CTDP1: variants seen among roughly 807,000 people sequenced by gnomAD.
CTDP1 encodes RNA polymerase II subunit A C-terminal domain phosphatase.
CTDP1 carries 47 observed loss-of-function variants against 91.8 expected under a neutral mutation model. The observed-to-expected ratio is 0.51, with a 90% CI of 0.41 to 0.65. The LOEUF is 0.65. Among genes scored for constraint, CTDP1 ranks in the 30% least tolerant of loss-of-function variants. The pLI, the probability that CTDP1 is intolerant of heterozygous loss-of-function variation, is 0.00. For synonymous variants in CTDP1, 656 were observed against 598.5 expected (o/e 1.10, Z -1.40); for missense variants, 1,272 against 1,373.7 (o/e 0.93, Z 1.17).
At chr18:79,731,643 A>G (rs757322820) in intron 11 of CTDP1, among the ~76,000 whole-genome samples, 3 of 152,236 alleles carry the variant, frequency 2.0e-5, no homozygotes, top group African/African-American at 4.8e-5. Flanking sequence ...CGTCCAGAAC[A>G]TGCCTAAGCA....
At chr18:79,747,545 C>T (rs956901039) in intron 12 of CTDP1, among the ~76,000 whole-genome samples, 5 of 152,216 alleles carry the variant, frequency 3.3e-5, no homozygotes, top group Admixed American at 1.3e-4. Flanking sequence ...GTCCCGCTGA[C>T]GTCATCTGGT....
intron 12 of CTDP1, among the ~76,000 whole-genome samples, chr18:79,738,662 AC>A (rs1393999874): frequency 6.6e-6 from 1 of 152,276 alleles, no homozygotes; most frequent in African/African-American, 2.4e-5. Flanking sequence ...CAATCCAGTT[AC>A]AAAATTGGGC....
intron 7 of CTDP1, among the ~76,000 whole-genome samples, 168 bp from the exon 8 acceptor site, chr18:79,714,323 G>A (rs1427200820): frequency 1.3e-5 from 2 of 152,224 alleles, no homozygotes; most frequent in Admixed American, 1.3e-4. Context: ...ACGCACTTCA[G>A]GTAAGGGGTG....
intron 11 of CTDP1, 74 bp downstream of exon 11, chr18:79,729,143 A>G (rs1245989407): frequency 1.3e-6 from 2 of 1,594,478 alleles, no homozygotes; most frequent in East Asian, 4.5e-5. Flanking sequence ...GTGCGGGCGG[A>G]TTGCTGAGCT....
chr18:79,689,222 G>A (rs146460465), intron 1 of CTDP1, among the ~76,000 whole-genome samples: 3 of 152,158 alleles, frequency 2.0e-5, no homozygotes, highest in Non-Finnish European at 4.4e-5. Flanking sequence ...CAGTTAGATC[G>A]CAGCTGTGCA....
At chr18:79,687,556 C>T (rs573485836) in intron 1 of CTDP1, among the ~76,000 whole-genome samples, 75 of 150,138 alleles carry the variant, frequency 5.0e-4, no homozygotes, top group East Asian at 2.1e-4. Context: ...GGGCCTGCAC[C>T]GCAGCAGTTG....
intron 12 of CTDP1, among the ~76,000 whole-genome samples, chr18:79,743,526 C>CAA (rs34957550): frequency 0.33 from 35,729 of 109,708 alleles, 7,124 homozygotes; most frequent in Non-Finnish European, 0.39. Context: ...ACTCCGTCTC[C>CAA]AAAAAAAAAA....
chr18:79,734,086 C>A (rs1418128855), intron 11 of CTDP1, among the ~76,000 whole-genome samples: 2 of 152,188 alleles, frequency 1.3e-5, no homozygotes, highest in African/African-American at 4.8e-5. Context: ...TTGGTAGAAA[C>A]CACACTTTGA....
intron 11 of CTDP1, among the ~76,000 whole-genome samples, chr18:79,729,301 G>A (rs1049110018): frequency 5.3e-5 from 8 of 152,230 alleles, no homozygotes; most frequent in South Asian, 2.1e-4. Context: ...ATGAGAACAC[G>A]TGGAAGTTGT....
chr18:79,700,767 C>T (rs140100738), intron 4 of CTDP1, among the ~76,000 whole-genome samples: 5 of 152,244 alleles, frequency 3.3e-5, no homozygotes, highest in East Asian at 1.9e-4. Flanking sequence ...AAGAAGATGC[C>T]GTCTAGGACT....
At chr18:79,714,144 G>T (rs1440570151) in intron 7 of CTDP1, among the ~76,000 whole-genome samples, 1 of 152,208 alleles carries the variant, frequency 6.6e-6, no homozygotes, top group Admixed American at 6.5e-5. Context: ...ACAGGTGGAG[G>T]ATCCCTCCTC....
intron 4 of CTDP1, among the ~76,000 whole-genome samples, chr18:79,699,449 G>A (rs1192599782): frequency 6.6e-6 from 1 of 152,000 alleles, no homozygotes; most frequent in East Asian, 1.9e-4. Context: ...TTTTTTAGTA[G>A]AGACGGGGTT....
Position 79,702,397 on chromosome 18 carries a change from G to A in CTDP1, c.622-2370G>A, listed in dbSNP as rs905512276. ...TTTTTATTTTTTAATTTTTTGAGAC[G>A]GAGTCTTGCTGGGTTGCCCAGGCTG... On this transcript the variant is annotated intron_variant, in intron 4 of 12. Transcript: ENST00000613122. Among the ~76,000 whole-genome samples, 5 of 151,928 alleles carry A rather than the reference G, an allele frequency of 3.3e-5. No homozygotes were observed. The East Asian group carries it at 9.6e-4, about 29-fold the overall frequency.
At chr18:79,680,604 CAA>C (rs765594939) in intron 1 of CTDP1, among the ~76,000 whole-genome samples, 28 of 152,234 alleles carry the variant, frequency 1.8e-4, no homozygotes, top group Non-Finnish European at 1.9e-4. Context: ...GCTGTGAGCA[CAA>C]GAGTCATCAG....
At chr18:79,696,396 G>A (rs150698687) in intron 3 of CTDP1, among the ~76,000 whole-genome samples, 3 of 152,210 alleles carry the variant, frequency 2.0e-5, no homozygotes, top group African/African-American at 4.8e-5. Context: ...GTCCTAACTG[G>A]GGAGGGATGT....
rs149224075 is a variant in CTDP1 at position 79,704,913 on chromosome 18, C to T, written c.768C>T (p.Ile256=). 8.5e-4 allele frequency: 1,372 copies of T among 1,613,084 alleles called. 3 individuals carry two copies. The highest frequency in any genetic ancestry group is 1.0e-3 in the Non-Finnish European group (1,220 of 1,180,052). Residue 256 remains isoleucine (I), a synonymous_variant, in exon 5 of 13, where the codon ATC becomes ATT. Transcript: ENST00000613122. ...TFGSRLYAHT[I]AGFLDPEKKL... ...GCAGCCGGCTGTACGCACACACCAT[C>T]GCAGGTCAGTCAAGCCGCAGCCGAA...
At chr18:79,712,259 A>C (rs2086100381) in intron 6 of CTDP1, among the ~76,000 whole-genome samples, 1 of 152,000 alleles carries the variant, frequency 6.6e-6, no homozygotes, top group African/African-American at 2.4e-5. Flanking sequence ...CCGCTTAGAA[A>C]TTCTGCATCA....
chr18:79,722,102 T>A (rs2086356514), intron 10 of CTDP1, among the ~76,000 whole-genome samples: 1 of 152,236 alleles, frequency 6.6e-6, no homozygotes, highest in South Asian at 2.1e-4. Context: ...GATACAAAAC[T>A]GGTGTTTTAA....
chr18:79,729,326 G>C (rs1480682723), intron 11 of CTDP1, among the ~76,000 whole-genome samples: 1 of 152,210 alleles, frequency 6.6e-6, no homozygotes, highest in African/African-American at 2.4e-5. Flanking sequence ...TAGGATTCGT[G>C]CCTGCGTCTT....
Sources: allele counts gnomAD v4.1 joint callset (sites outside exome capture counted in the v4.1 genomes callset), GRCh38; gene constraint gnomAD v4.1.1; transcripts MANE v1.5; gene names NCBI Gene and HGNC (gene_info 2026-07-23, HGNC 2026-07-21).